BRAF: variants seen among roughly 807,000 people sequenced by gnomAD.
BRAF encodes serine/threonine-protein kinase B-raf.
Under a neutral mutation model 104.6 loss-of-function variants are expected in BRAF, and 16 were observed. That is an observed-to-expected ratio of 0.15 (90% CI 0.10 to 0.23). BRAF has a LOEUF of 0.23. BRAF is among the 10% of genes least tolerant of loss of function. The probability of loss-of-function intolerance (pLI) is 1.00; values close to 1 mark genes in which losing one functional copy is unlikely to be tolerated. For missense variants in BRAF, 541 were observed against 937.3 expected (o/e 0.58, Z 5.52); for synonymous variants, 310 against 341.6 (o/e 0.91, Z 1.02).
intron 17 of BRAF, among the ~76,000 whole-genome samples, chr7:140,748,585 C>A (rs1030839554): frequency 1.3e-5 from 2 of 152,146 alleles, no homozygotes; most frequent in Non-Finnish European, 2.9e-5. Flanking sequence ...TGTAATCTCT[C>A]TACACACACA....
At chr7:140,770,211 A>G (rs930179654) in intron 14 of BRAF, among the ~76,000 whole-genome samples, 1 of 152,200 alleles carries the variant, frequency 6.6e-6, no homozygotes, top group African/African-American at 2.4e-5. Context: ...CACTATAATT[A>G]AATATTCTTC....
At chr7:140,843,668 T>C (rs1443958101) in intron 2 of BRAF, among the ~76,000 whole-genome samples, 2 of 152,198 alleles carry the variant, frequency 1.3e-5, no homozygotes, top group Admixed American at 1.3e-4. Flanking sequence ...CACATACATA[T>C]ATACACATGT....
intron 17 of BRAF, among the ~76,000 whole-genome samples, chr7:140,746,852 G>GAAAAAAAAAAGAAAAAAGA (rs1797393099): frequency 6.9e-6 from 1 of 144,808 alleles, no homozygotes; most frequent in African/African-American, 2.5e-5. Context: ...AAAGAAAAAA[G>GAAAAAAAAAAGAAAAAAGA]AAAAAAAAAA....
Position 140,725,310 on chromosome 7 carries a change from T to C in BRAF, c.*1184A>G. 1.9e-6 allele frequency: 2 copies of C among 1,029,556 alleles called. No individual in the cohort carries two copies. Among genetic ancestry groups the C allele is most frequent in the Middle Eastern group, 4.5e-4 (1 of 2,238 alleles). The allele number at this position is 1,029,556 out of a possible 1,614,324, so 63.8% of individuals were successfully genotyped here. A position where few individuals can be genotyped will look rare whatever the true frequency, so the allele number is the denominator to read the frequency against. ...TTAATTGAAAAATTATAAATATTTG[T>C]CATTATGCTAAGACTCCTCATATTT... On this transcript the variant is annotated 3_prime_UTR_variant, in exon 20 of 20. Coordinates refer to ENST00000644969, the MANE Select transcript of BRAF (RefSeq NM_001374258.1).
chr7:140,850,950 C>G (rs924839973), intron 1 of BRAF, among the ~76,000 whole-genome samples: 5 of 152,102 alleles, frequency 3.3e-5, no homozygotes, highest in Non-Finnish European at 5.9e-5. Flanking sequence ...TCAAATACTA[C>G]TAAGATGCAC....
chr7:140,781,647 T>G lies in BRAF; in HGVS notation c.1481A>C (p.Asp494Ala). ...TCTTTGTCCCACTGTAATCTGCCCA[T>G]CAGGAATCTCCCAATCATCACTCGA... ...RDSSDDWEIP[D>A]GQITVGQRIG... The change falls in exon 12 of 20, where the codon GAT (aspartate) becomes GCT (alanine). Residue 494 changes from aspartate (D) to alanine (A), a missense_variant. This residue lies in a region of BRAF where 109 missense variants were observed against 143.9 expected (regional missense o/e 0.76). Coordinates refer to ENST00000644969, the MANE Select transcript of BRAF (RefSeq NM_001374258.1). The G allele has an allele frequency of 6.2e-7, 1 of 1,614,082 alleles. No homozygotes were observed. Among genetic ancestry groups the G allele is most frequent in the East Asian group, 2.2e-5 (1 of 44,866 alleles).
At chr7:140,729,544 G>A (rs1271712060) in intron 19 of BRAF, among the ~76,000 whole-genome samples, 1 of 152,138 alleles carries the variant, frequency 6.6e-6, no homozygotes, top group African/African-American at 2.4e-5. Flanking sequence ...CACTTTGGGA[G>A]GCTGAGGTGA....
chr7:140,742,170 T>C (rs1419786176), intron 17 of BRAF, among the ~76,000 whole-genome samples: 1 of 151,812 alleles, frequency 6.6e-6, no homozygotes, highest in East Asian at 1.9e-4. Context: ...GCCAGAGGTG[T>C]ATAGACATGG....
In BRAF at chr7:140,807,690, T is replaced by C. The variant is rs547696736; in HGVS notation, c.711+270A>G. The stretch of plus-strand genomic sequence containing the variant: ...AATGTTGGCCTCTAGGAGGGTATTT[T>C]CACTTTTTTTACTTGACATACTTCT... On this transcript the variant is annotated intron_variant, in intron 5 of 19. Transcript: ENST00000644969. 1.2e-4 allele frequency among the ~76,000 whole-genome samples: 19 copies of C among 152,326 alleles called. No individual in the cohort carries two copies. The South Asian group carries it at 2.5e-3, about 20-fold the overall frequency.
At chr7:140,902,919 A>AC (rs1188946611) in intron 1 of BRAF, among the ~76,000 whole-genome samples, 1 of 141,480 alleles carries the variant, frequency 7.1e-6, no homozygotes, top group Non-Finnish European at 1.5e-5. Flanking sequence ...GGACAGGATG[A>AC]CTTTTTTTTT....
At chr7:140,759,722 G>C (rs1049752800) in intron 14 of BRAF, among the ~76,000 whole-genome samples, 1 of 152,144 alleles carries the variant, frequency 6.6e-6, no homozygotes, top group Non-Finnish European at 1.5e-5. Context: ...GTCCAACCAC[G>C]AAACACCAAA....
At chr7:140,783,356 T>C in intron 10 of BRAF, 199 bp from the exon 10 acceptor site, 1 of 596,690 alleles carries the variant, frequency 1.7e-6, no homozygotes, top group Non-Finnish European at 2.9e-6. Context: ...TTCTGGCCAA[T>C]TTAATGACCT....
intron 7 of BRAF, 193 bp downstream of exon 7, chr7:140,800,169 A>G: frequency 1.2e-6 from 1 of 863,698 alleles, no homozygotes; most frequent in East Asian, 2.8e-5. Flanking sequence ...TGATTCTGAA[A>G]TAGTCTATGT....
At chr7:140,758,341 G>C in intron 14 of BRAF, 1 of 152,164 alleles carries the variant, frequency 6.6e-6, no homozygotes, top group East Asian at 1.9e-4. Flanking sequence ...TCTGTAGTCA[G>C]TAATCATTTA....
chr7:140,752,913 C>T (rs1797902465), intron 16 of BRAF, among the ~76,000 whole-genome samples: 2 of 151,348 alleles, frequency 1.3e-5, no homozygotes, highest in East Asian at 1.9e-4. Flanking sequence ...ATACTTTAAA[C>T]AATTTAGAAT....
rs1053349273 is a variant in BRAF, at chr7:140,719,685, T to C, written c.*6809A>G. On this transcript the variant is annotated 3_prime_UTR_variant, in exon 20 of 20. Transcript: ENST00000644969. ...GGGAAAAGAGGGAGACATCATCCAT[T>C]TGACTGAAAATAAATGTCTTTTTTA... The C allele has an allele frequency of 5.7e-6, 6 of 1,060,320 alleles. No homozygotes were observed. The African/African-American group carries it at 9.8e-5, about 17-fold the overall frequency. 65.7% of individuals were successfully genotyped at this position (1,060,320 alleles called of 1,614,324 possible).
chr7:140,834,587 G>T, intron 3 of BRAF, 22 bp downstream of exon 3: 2 of 1,613,504 alleles, frequency 1.2e-6, no homozygotes, highest in Non-Finnish European at 8.5e-7. Context: ...ACAGCAAAAT[G>T]GTGATATTAA....
At chr7:140,775,839 G>A (rs780256989) in intron 14 of BRAF, among the ~76,000 whole-genome samples, 4 of 152,214 alleles carry the variant, frequency 2.6e-5, no homozygotes, top group Non-Finnish European at 4.4e-5. Context: ...TTTTGAGAAA[G>A]AGAAGGTGGT....
At chr7:140,905,747 T>C (rs1282094178) in intron 1 of BRAF, among the ~76,000 whole-genome samples, 1 of 152,136 alleles carries the variant, frequency 6.6e-6, no homozygotes, top group Admixed American at 6.5e-5. Context: ...CTTCTGTTGG[T>C]TGAGAAGTTA....
Sources: gnomAD v4.1 joint callset for allele counts (sites outside exome capture counted in the v4.1 genomes callset) on GRCh38, gnomAD v4.1.1 for gene constraint, gnomAD v4.1.1 regional missense constraint, MANE v1.5 for transcripts, NCBI Gene and HGNC (gene_info 2026-07-23, HGNC 2026-07-21) for gene names.